Variants in SLC2A13 observed in about 807,000 individuals in gnomAD.
SLC2A13 encodes the protein proton myo-inositol cotransporter.
Under a neutral mutation model 64.4 loss-of-function variants are expected in SLC2A13, and 32 were observed. The ratio of observed to expected loss-of-function variants is 0.50; its 90% CI spans 0.37 to 0.67. The LOEUF (loss-of-function observed/expected upper bound fraction) is 0.67. SLC2A13 is among the 30% of genes least tolerant of loss of function. The pLI is 0.00. For missense variants in SLC2A13, 743 were observed against 829.2 expected, an observed-to-expected ratio of 0.90 and a Z score of 1.28; for synonymous variants, 338 against 327.1, an observed-to-expected ratio of 1.03 and a Z score of -0.36.
chr12:39,860,051 AAAG>A (rs1471783368), intron 6 of SLC2A13, among the ~76,000 whole-genome samples: 1 of 152,220 alleles, frequency 6.6e-6, no homozygotes, highest in Non-Finnish European at 1.5e-5. Flanking sequence ...AGGAATAGAA[AAAG>A]AAGCTGTTGT....
chr12:39,923,696 G>GCACACACACA (rs368849811), intron 4 of SLC2A13, among the ~76,000 whole-genome samples: 2 of 146,904 alleles, frequency 1.4e-5, no homozygotes, highest in Admixed American at 6.8e-5. Flanking sequence ...ATGCGCACGC[G>GCACACACACA]CACACACACA....
chr12:39,864,991 G>A, intron 5 of SLC2A13, 109 bp from the exon 6 acceptor site: 2 of 991,462 alleles, frequency 2.0e-6, no homozygotes, highest in South Asian at 2.1e-5. Flanking sequence ...AAAAACTCCT[G>A]AAAAAAAAAT....
chr12:39,890,055 C>T (rs1386108150), intron 4 of SLC2A13, among the ~76,000 whole-genome samples: 3 of 151,960 alleles, frequency 2.0e-5, no homozygotes, highest in Admixed American at 1.3e-4. Context: ...GGTAGAAACC[C>T]GATAATCTGT....
chr12:39,880,778 C>A (rs1274523869), intron 4 of SLC2A13, among the ~76,000 whole-genome samples: 2 of 152,188 alleles, frequency 1.3e-5, no homozygotes, highest in African/African-American at 4.8e-5. Context: ...CCTCTGGCGG[C>A]CTCAGGAAAG....
chr12:40,077,112 A>G (rs1938207067), intron 1 of SLC2A13, among the ~76,000 whole-genome samples: 1 of 151,948 alleles, frequency 6.6e-6, no homozygotes, highest in African/African-American at 2.4e-5. Flanking sequence ...TTGTCTGTTT[A>G]CTCACACTAG....
chr12:39,938,328 T>C (rs908375342), intron 4 of SLC2A13, among the ~76,000 whole-genome samples: 3 of 152,004 alleles, frequency 2.0e-5, no homozygotes. Context: ...CAAATCCAGA[T>C]CTAACACCAA....
At chr12:39,799,253 CCTTTT>C (rs1941691499) in intron 7 of SLC2A13, among the ~76,000 whole-genome samples, 1 of 75,356 alleles carries the variant, frequency 1.3e-5, no homozygotes, top group African/African-American at 5.4e-5. Flanking sequence ...CTATGCTTAG[CCTTTT>C]TTTTTTTTTT....
At chr12:39,810,581 T>C (rs1488267366) in intron 7 of SLC2A13, among the ~76,000 whole-genome samples, 1 of 152,178 alleles carries the variant, frequency 6.6e-6, no homozygotes, top group Non-Finnish European at 1.5e-5. Context: ...AATAATATTT[T>C]GCTATTAAGT....
chr12:40,026,131 G>A (rs376946055), intron 3 of SLC2A13, among the ~76,000 whole-genome samples: 12 of 152,138 alleles, frequency 7.9e-5, no homozygotes, highest in South Asian at 4.1e-4. Context: ...TCTTAACTGC[G>A]TACTTTTTAA....
At position 40,105,407 on chromosome 12, in the gene SLC2A13, C is replaced by A; in HGVS notation, c.402G>T (p.Ser134=). 6.4e-7 allele frequency: 1 copy of A among 1,551,410 alleles called. No individual in the cohort carries two copies. The highest frequency in any genetic ancestry group is 8.7e-7 in the Non-Finnish European group (1 of 1,148,856). The change falls in exon 1 of 10, where the codon TCG becomes TCT. Residue 134 remains serine (S), a synonymous_variant. Transcript: ENST00000280871. The surrounding 1 kb of genome is among the most constrained non-coding windows in gnomAD (Gnocchi z 4.2). The part of the protein sequence containing the change: ...VSSTVGAAAV[S]ALAGGALNGV... Reference sequence around the variant, plus strand: ...CGTTGAGGGCGCCTCCGGCCAGCGCCGAGACGGCAGCCGCCCCCACCGTGC... The same window carrying A: ...CGTTGAGGGCGCCTCCGGCCAGCGCAGAGACGGCAGCCGCCCCCACCGTGC...
At chr12:39,931,943 G>A (rs1945832177) in intron 4 of SLC2A13, among the ~76,000 whole-genome samples, 1 of 151,706 alleles carries the variant, frequency 6.6e-6, no homozygotes, top group Non-Finnish European at 1.5e-5. Flanking sequence ...TTTTATTGAG[G>A]CCCATTCAAG....
intron 2 of SLC2A13, 98 bp from the exon 3 acceptor site, chr12:40,028,607 C>G: frequency 1.8e-6 from 2 of 1,140,240 alleles, no homozygotes; most frequent in South Asian, 3.3e-5. Context: ...ATAATACTTA[C>G]TGTGAAGTTA....
At chr12:39,895,545 T>G (rs1182431339) in intron 4 of SLC2A13, among the ~76,000 whole-genome samples, 1 of 80,600 alleles carries the variant, frequency 1.2e-5, no homozygotes, top group African/African-American at 4.4e-5. Context: ...TATATATATA[T>G]ATATATACAC....
intron 7 of SLC2A13, among the ~76,000 whole-genome samples, chr12:39,797,437 T>C (rs1238694490): frequency 6.6e-6 from 1 of 152,192 alleles, no homozygotes; most frequent in African/African-American, 2.4e-5. Flanking sequence ...CAGAATATGG[T>C]TTTCTATTTT....
In SLC2A13 at chr12:39,871,832, C is replaced by T. The variant is rs368170957; in HGVS notation, c.1164G>A (p.Val388=). 1.2e-6 allele frequency: 2 copies of T among 1,611,408 alleles called. No homozygotes were observed. Among genetic ancestry groups the T allele is most frequent in the African/African-American group, 1.3e-5 (1 of 74,756 alleles). Residue 388 remains valine (V), a synonymous_variant, in exon 5 of 10, where the codon GTG becomes GTA. Transcript: ENST00000280871. ...TACCAAAGGTAAGCTTTCTGCGGCC[C>T]ACCTTCTCAACAAGCCAGACTCCCA... The part of the protein sequence containing the change: ...TLVGVWLVEK[V]GRRKLTFGSL...
chr12:40,072,547 G>A (rs1938002333), intron 1 of SLC2A13, among the ~76,000 whole-genome samples: 1 of 152,024 alleles, frequency 6.6e-6, no homozygotes, highest in South Asian at 2.1e-4. Context: ...ACCAGTATTT[G>A]CATTGAGAAT....
In SLC2A13 at chr12:40,003,678, GT is replaced by G. The variant is rs141336962; in HGVS notation, c.925+24622del. ...AAACACTCAAGAGGTATCATCGTGGGTTTTTTTTTTCAATACATTTAGAAAT... is the reference window on the plus strand; with the variant it reads ...AAACACTCAAGAGGTATCATCGTGGGTTTTTTTTTCAATACATTTAGAAAT... On this transcript the variant is annotated intron_variant, in intron 3 of 9. Coordinates refer to ENST00000280871, the MANE Select transcript of SLC2A13 (RefSeq NM_052885.4). Among the ~76,000 whole-genome samples the G allele has an allele frequency of 2.3e-4, 34 of 146,450 alleles. No individual in the cohort carries two copies. The East Asian group carries it at 3.4e-3, about 15-fold the overall frequency.
intron 7 of SLC2A13, among the ~76,000 whole-genome samples, chr12:39,797,732 A>ACACACACACATACG (rs1941624021): frequency 1.8e-4 from 3 of 16,942 alleles, no homozygotes; most frequent in Non-Finnish European, 3.9e-4. Flanking sequence ...TGGTAAACAC[A>ACACACACACATACG]CACACACACA....
intron 1 of SLC2A13, among the ~76,000 whole-genome samples, chr12:40,051,241 T>C (rs12372213): frequency 0.07 from 10,612 of 152,220 alleles, 703 homozygotes; most frequent in East Asian, 0.39. Flanking sequence ...GTTGGAAAGG[T>C]TGGGCAGACA....
Sources: allele counts gnomAD v4.1 joint callset (sites outside exome capture counted in the v4.1 genomes callset), GRCh38; gene constraint gnomAD v4.1.1; non-coding constraint Gnocchi (gnomAD v3.1); transcripts MANE v1.5; gene names NCBI Gene and HGNC (gene_info 2026-07-23, HGNC 2026-07-21).